Variants in ROPN1L observed in about 807,000 individuals in gnomAD.
ROPN1L encodes rhophilin associated tail protein 1 like.
In ROPN1L, 23 loss-of-function variants were observed where a neutral mutation model predicts 22.7. The observed-to-expected ratio is 1.01, with a 90% CI of 0.73 to 1.43. ROPN1L has a LOEUF of 1.43. ROPN1L is among the 40% of genes most tolerant of loss of function. The pLI is 0.00. For missense variants in ROPN1L, 271 were observed against 291.5 expected, an observed-to-expected ratio of 0.93 and a Z score of 0.51; for synonymous variants, 116 against 117.8, an observed-to-expected ratio of 0.98 and a Z score of 0.10.
At chr5:10,474,475 G>T (rs1048649827), downstream of ROPN1L, among the ~76,000 whole-genome samples, 1 of 152,242 alleles carries the variant, frequency 6.6e-6, no homozygotes, top group Admixed American at 6.5e-5. Context: ...CATGAGGATG[G>T]CCTCTAGGAT....
chr5:10,465,500 G>A (rs1406864807), downstream of ROPN1L, among the ~76,000 whole-genome samples: 3 of 146,546 alleles, frequency 2.0e-5, no homozygotes, highest in Non-Finnish European at 3.0e-5. Flanking sequence ...GGGCGACAGA[G>A]CGAGACTCCG....
intron 3 of ROPN1L, among the ~76,000 whole-genome samples, chr5:10,458,327 G>T (rs1175783563): frequency 1.3e-5 from 2 of 151,840 alleles, no homozygotes; most frequent in Non-Finnish European, 2.9e-5. Flanking sequence ...CCCAGCTCTT[G>T]GTGGTATAGC....
At chr5:10,467,573 A>G (rs1735175387), downstream of ROPN1L, among the ~76,000 whole-genome samples, 1 of 152,200 alleles carries the variant, frequency 6.6e-6, no homozygotes, top group Non-Finnish European at 1.5e-5. Context: ...AGTTGCAGAC[A>G]GGGAATCGTC....
At chr5:10,451,153 T>C (rs1208261078) in intron 3 of ROPN1L, among the ~76,000 whole-genome samples, 1 of 152,284 alleles carries the variant, frequency 6.6e-6, no homozygotes, top group African/African-American at 2.4e-5. Context: ...CCCTTCAGTC[T>C]GTGGCCCCAG....
chr5:10,442,021 C>T lies in ROPN1L; in HGVS notation c.-147C>T. On this transcript the variant is annotated 5_prime_UTR_variant, in exon 1 of 5. Coordinates refer to ENST00000274134, the MANE Select transcript of ROPN1L (RefSeq NM_031916.5). ...AGGAGCGGGTAAGAGCCCCGCGAAT[C>T]CGGCCCCAACCTCGGGAACGGGATG... The T allele has an allele frequency of 8.8e-7, 1 of 1,137,088 alleles. No individual in the cohort carries two copies. The highest frequency in any genetic ancestry group is 1.2e-6 in the Non-Finnish European group (1 of 804,758). 70.4% of individuals were successfully genotyped at this position (1,137,088 alleles called of 1,614,324 possible).
chr5:10,449,825 A>G, intron 2 of ROPN1L, 127 bp from the exon 3 acceptor site: 1 of 691,850 alleles, frequency 1.4e-6, no homozygotes, highest in South Asian at 2.1e-5. Context: ...ACCCCCTGTC[A>G]TGCATTTGGA....
At chr5:10,455,207 C>T (rs1304363141) in intron 3 of ROPN1L, among the ~76,000 whole-genome samples, 1 of 152,210 alleles carries the variant, frequency 6.6e-6, no homozygotes, top group Non-Finnish European at 1.5e-5. Flanking sequence ...GATGTGACAG[C>T]CACCTGCGCT....
intron 4 of ROPN1L, 116 bp downstream of exon 4, chr5:10,461,475 A>G: frequency 1.1e-6 from 1 of 883,452 alleles, no homozygotes; most frequent in Non-Finnish European, 1.8e-6. Context: ...CCACAACAAT[A>G]ATCAACACAG....
chr5:10,464,770 A>G (rs1579660074), intron 4 of ROPN1L, 78 bp from the exon 5 acceptor site: 2 of 798,260 alleles, frequency 2.5e-6, no homozygotes, highest in East Asian at 5.3e-5. Flanking sequence ...CTTTTAAATT[A>G]TATCGCATTT....
rs776702691 is a variant in ROPN1L, at chr5:10,461,287, A to C, written c.521A>C (p.Tyr174Ser). 1.2e-6 allele frequency: 2 copies of C among 1,614,138 alleles called. No individual in the cohort carries two copies. Among genetic ancestry groups the C allele is most frequent in the Non-Finnish European group, 1.7e-6 (2 of 1,180,032 alleles). ...AAGACGTTTTCCTACGTTTACCGCT[A>C]CTTGGCCAGATTAGACTCAGATGTG... Reference protein sequence around the residue: ...PFKTFSYVYRYLARLDSDVSP... With the variant: ...PFKTFSYVYRSLARLDSDVSP... The change falls in exon 4 of 5, where the codon TAC becomes TCC. Residue 174 changes from tyrosine (Y) to serine (S), a missense_variant. By Grantham distance (144) the Tyr-to-Ser change is moderately radical (BLOSUM62 -2). Coordinates refer to ENST00000274134, the MANE Select transcript of ROPN1L (RefSeq NM_031916.5).
rs570160064 is a variant in ROPN1L, at chr5:10,464,827, C to T, written c.594-21C>T. The T allele has an allele frequency of 1.8e-5, 26 of 1,429,982 alleles. No individual in the cohort carries two copies. In the African/African-American group the frequency reaches 3.6e-4, roughly 20 times the overall value. 88.6% of individuals were successfully genotyped at this position (1,429,982 alleles called of 1,614,324 possible). A position where few individuals can be genotyped will look rare whatever the true frequency, so the allele number is the denominator to read the frequency against. On this transcript the variant is annotated intron_variant, in intron 4 of 4. Transcript: ENST00000274134. ...ATGATGAGAAATTACCAATAAATAT[C>T]TTTATCTGTTTCCAATTTAGAGACG...
At chr5:10,480,888 C>T in the ROPN1L span, among the ~76,000 whole-genome samples, 2 of 152,140 alleles carry the variant, frequency 1.3e-5, no homozygotes, top group Non-Finnish European at 2.9e-5. Flanking sequence ...CCCTGCCCAC[C>T]CACAGCTCTT....
At chr5:10,457,038 G>A (rs1741442756) in intron 3 of ROPN1L, among the ~76,000 whole-genome samples, 1 of 152,214 alleles carries the variant, frequency 6.6e-6, no homozygotes, top group Non-Finnish European at 1.5e-5. Flanking sequence ...TTTCAAGCAA[G>A]GAACATGGAT....
At position 10,450,042 on chromosome 5, in the gene ROPN1L, C is replaced by A; in HGVS notation, c.346C>A (p.Gln116Lys). 6.2e-7 allele frequency: 1 copy of A among 1,613,942 alleles called. No individual in the cohort carries two copies. Among genetic ancestry groups the A allele is most frequent in the Non-Finnish European group, 8.5e-7 (1 of 1,179,970 alleles). ...LPKEKFKALL[Q>K]LDPCENKIKW... is the part of the protein sequence containing the mutation. ...GAAGGAAAAATTCAAAGCGCTCTTA[C>A]AACTGGATCCTTGTGAAAACAAAAT... The change falls in exon 3 of 5, where the codon CAA (glutamine) becomes AAA (lysine). Residue 116 changes from glutamine (Q) to lysine (K), a missense_variant. Transcript: ENST00000274134.
At chr5:10,463,726 G>A (rs150922765) in intron 4 of ROPN1L, among the ~76,000 whole-genome samples, 236 of 152,284 alleles carry the variant, frequency 1.5e-3, no homozygotes, top group African/African-American at 5.4e-3. Flanking sequence ...AACAGGTCAC[G>A]CCCTGACCCC....
intron 1 of ROPN1L, among the ~76,000 whole-genome samples, chr5:10,443,858 CT>C (rs2126424401): frequency 6.6e-6 from 1 of 152,320 alleles, no homozygotes; most frequent in African/African-American, 2.4e-5. Context: ...TCAAATCTCC[CT>C]CTGCCTCCTT....
At chr5:10,443,599 G>T (rs1349965556) in intron 1 of ROPN1L, among the ~76,000 whole-genome samples, 1 of 151,376 alleles carries the variant, frequency 6.6e-6, no homozygotes, top group African/African-American at 2.4e-5. Context: ...TCCGCAGTCC[G>T]GCCCGGGCGA....
intron 3 of ROPN1L, among the ~76,000 whole-genome samples, chr5:10,454,518 T>C (rs1741355175): frequency 6.6e-6 from 1 of 152,018 alleles, no homozygotes; most frequent in African/African-American, 2.4e-5. Flanking sequence ...AGCATGGAGA[T>C]CTTTTTTTTT....
chr5:10,448,596 C>T (rs1422013072), intron 2 of ROPN1L, among the ~76,000 whole-genome samples: 10 of 152,160 alleles, frequency 6.6e-5, no homozygotes, highest in Admixed American at 6.5e-4. Context: ...CTTCAACAGC[C>T]CCAAGTCACT....
Sources: allele counts gnomAD v4.1 joint callset (sites outside exome capture counted in the v4.1 genomes callset), GRCh38; gene constraint gnomAD v4.1.1; transcripts MANE v1.5; gene names NCBI Gene and HGNC (gene_info 2026-07-23, HGNC 2026-07-21).